NOS1: variants seen among roughly 807,000 people sequenced by gnomAD.
The protein encoded by NOS1 is NOS type I.
Under a neutral mutation model 164.5 loss-of-function variants are expected in NOS1, and 51 were observed. The ratio of observed to expected loss-of-function variants is 0.31; its 90% confidence interval spans 0.25 to 0.39. The LOEUF is 0.39. Ranked by LOEUF, NOS1 falls within the 10% of genes least tolerant of loss-of-function variation. The pLI, the probability that NOS1 is intolerant of heterozygous loss-of-function variation, is 1.00. For missense variants in NOS1, 1,362 were observed against 1,885.6 expected, an observed-to-expected ratio of 0.72 and a Z score of 5.14; for synonymous variants, 719 against 745.8, an observed-to-expected ratio of 0.96 and a Z score of 0.59.
rs150174078 is a variant in NOS1 at position 117,327,308 on chromosome 12, G to C, written c.725+3037C>G. 1.2e-3 allele frequency among the ~76,000 whole-genome samples: 185 copies of C among 152,332 alleles called. 2 individuals carry two copies. Among genetic ancestry groups the C allele is most frequent in the African/African-American group, 3.7e-3 (153 of 41,574 alleles). The stretch of plus-strand genomic sequence containing the variant: ...GGTAGAGGATTGGGAGGCAGAGGTG[G>C]TGCTTGGGGGCAGCCTTTCGGGAGG... On this transcript the variant is annotated intron_variant, in intron 2 of 28. Transcript: ENST00000317775.
rs1377908304 is a variant in NOS1, at chr12:117,210,741, T to G, written c.*4568A>C. The G allele has an allele frequency of 4.1e-6, 4 of 985,246 alleles. No individual in the cohort carries two copies. The highest frequency in any genetic ancestry group is 4.8e-6 in the Non-Finnish European group (4 of 829,946). The allele number at this position is 985,246 out of a possible 1,614,324, so 61.0% of individuals were successfully genotyped here. A position where few individuals can be genotyped will look rare whatever the true frequency, so the allele number is the denominator to read the frequency against. The stretch of plus-strand genomic sequence containing the variant: ...GAGCAGGCAGCTGCTGAAAGCGTGT[T>G]TGGTCAGAAGATTCTGTGTTCTTAG... On this transcript the variant is annotated 3_prime_UTR_variant, in exon 29 of 29. Transcript: ENST00000317775.
intron 5 of NOS1, 130 bp downstream of exon 5, chr12:117,287,944 G>T: frequency 1.1e-6 from 1 of 898,542 alleles, no homozygotes; most frequent in Non-Finnish European, 1.7e-6. Flanking sequence ...CCTATGGGTA[G>T]CCAGTCTTAA....
At chr12:117,296,664 A>G (rs1357205078) in intron 3 of NOS1, among the ~76,000 whole-genome samples, 5 of 151,446 alleles carry the variant, frequency 3.3e-5, no homozygotes, top group Non-Finnish European at 7.4e-5. Flanking sequence ...CTCTTTATAT[A>G]TACATCTATT....
chr12:117,355,826 C>A (rs1876828983), intron 1 of NOS1, among the ~76,000 whole-genome samples: 1 of 152,204 alleles, frequency 6.6e-6, no homozygotes, highest in African/African-American at 2.4e-5. Flanking sequence ...GCGGCACAAT[C>A]TCGGCTCACT....
Position 117,209,545 on chromosome 12 carries a change from G to A in NOS1, c.*5764C>T, listed in dbSNP as rs1392808163. On this transcript the variant is annotated 3_prime_UTR_variant, in exon 29 of 29. Transcript: ENST00000317775. ...CTGCCAGGGCCATCTCGTTAATAAC[G>A]GACTGTGTTTTGGGCCAGACGGGCA... 9.1e-6 allele frequency: 9 copies of A among 985,374 alleles called. No individual in the cohort carries two copies. The highest frequency in any genetic ancestry group is 6.1e-5 in the Admixed American group (1 of 16,264). The allele number at this position is 985,374 out of a possible 1,614,324, so 61.0% of individuals were successfully genotyped here.
At chr12:117,248,007 C>G (rs1421410362) in intron 17 of NOS1, among the ~76,000 whole-genome samples, 10 of 151,008 alleles carry the variant, frequency 6.6e-5, no homozygotes, top group African/African-American at 2.4e-4. Context: ...CTCTCTCTCT[C>G]CTCTCTCTCT....
Position 117,212,460 on chromosome 12 carries a change from G to C in NOS1, c.*2849C>G. The C allele has an allele frequency of 1.0e-6, 1 of 985,424 alleles. No individual in the cohort carries two copies. The highest frequency in any genetic ancestry group is 1.2e-6 in the Non-Finnish European group (1 of 829,970). 61.0% of individuals were successfully genotyped at this position (985,424 alleles called of 1,614,324 possible). A position where few individuals can be genotyped will look rare whatever the true frequency, so the allele number is the denominator to read the frequency against. ...CAAAAGAAGCCCTCTCTCCTCCCAA[G>C]GAGTTTAACATCATCTCTCTGCTCT... On this transcript the variant is annotated 3_prime_UTR_variant, in exon 29 of 29. Coordinates refer to ENST00000317775, the MANE Select transcript of NOS1 (RefSeq NM_000620.5).
Position 117,272,538 on chromosome 12 carries a change from C to G in NOS1, c.1686G>C (p.Leu562=). 6.2e-7 allele frequency: 1 copy of G among 1,614,154 alleles called. No individual in the cohort carries two copies. The highest frequency in any genetic ancestry group is 8.5e-7 in the Non-Finnish European group (1 of 1,180,016). ...CGGGGAGGCCGTACCACTTCAGCCC[C>G]AGGTCCTTGAACCACTCAAACCTGC... ...RHPKFEWFKD[L]GLKWYGLPAV... The change falls in exon 10 of 29, where the codon CTG becomes CTC. Residue 562 remains leucine (L), a synonymous_variant. Transcript: ENST00000317775. This position sits in a 1 kb window ranked among gnomAD's most constrained non-coding sequence, Gnocchi z 4.3.
intron 3 of NOS1, among the ~76,000 whole-genome samples, chr12:117,306,974 T>C (rs1224920649): frequency 6.6e-6 from 1 of 152,220 alleles, no homozygotes; most frequent in Non-Finnish European, 1.5e-5. Flanking sequence ...CAAACACTTA[T>C]CTGATCTTCA....
At chr12:117,288,326 A>G (rs1183901670) in intron 4 of NOS1, 107 bp from the exon 5 acceptor site, 8 of 1,053,212 alleles carry the variant, frequency 7.6e-6, no homozygotes, top group Non-Finnish European at 1.1e-5. Context: ...TCTGGCCCTT[A>G]ATTCCCAGAG....
At chr12:117,304,125 T>C (rs143425127) in intron 3 of NOS1, among the ~76,000 whole-genome samples, 2 of 151,696 alleles carry the variant, frequency 1.3e-5, no homozygotes, top group African/African-American at 2.4e-5. Context: ...TGAGCCGAGA[T>C]CAGGCCACTG....
At chr12:117,232,511 G>A (rs542229154) in intron 21 of NOS1, among the ~76,000 whole-genome samples, 12 of 152,238 alleles carry the variant, frequency 7.9e-5, no homozygotes, top group African/African-American at 2.9e-4. Context: ...GGATGTTAGT[G>A]TTGTCATTAT....
intron 1 of NOS1, among the ~76,000 whole-genome samples, chr12:117,346,851 A>G (rs890163098): frequency 3.3e-5 from 5 of 152,256 alleles, no homozygotes; most frequent in African/African-American, 1.2e-4. Flanking sequence ...TGCACAAAAA[A>G]TGCTTCAGAT....
chr12:117,299,060 C>T (rs552355635), intron 3 of NOS1, among the ~76,000 whole-genome samples: 5 of 152,358 alleles, frequency 3.3e-5, no homozygotes, highest in South Asian at 4.1e-4. Flanking sequence ...ATGGGCCAGA[C>T]GCCACACACT....
Position 117,220,083 on chromosome 12 carries a change from G to A in NOS1, c.4162C>T (p.Arg1388Trp), listed in dbSNP as rs1368941972. 3.1e-6 allele frequency: 5 copies of A among 1,607,790 alleles called. No individual in the cohort carries two copies. The highest frequency in any genetic ancestry group is 1.3e-5 in the African/African-American group (1 of 74,792). Reference sequence around the variant, plus strand: ...GTCAGCCTGTCACTCACCCTCATCCGGCTGATGAATACGCCGGCGTCCTCT... The same window carrying A: ...GTCAGCCTGTCACTCACCCTCATCCAGCTGATGAATACGCCGGCGTCCTCT... ...SAEDAGVFISRMRDDNRYHED... is the reference protein window; with the variant it reads ...SAEDAGVFISWMRDDNRYHED... Residue 1388 changes from arginine (R) to tryptophan (W), a missense_variant, in exon 27 of 29, where the codon CGG (arginine) becomes TGG (tryptophan). Physicochemically the swap from Arg to Trp is moderately radical, Grantham distance 101 (BLOSUM62 -3). This residue lies in a region of NOS1 where 737 missense variants were observed against 1,030.3 expected (regional missense o/e 0.72). Coordinates refer to ENST00000317775, the MANE Select transcript of NOS1 (RefSeq NM_000620.5).
chr12:117,361,184 C>A (rs1012765498), intron 1 of NOS1, among the ~76,000 whole-genome samples: 1 of 151,988 alleles, frequency 6.6e-6, no homozygotes, highest in South Asian at 2.1e-4. Context: ...CCCGCCCGCC[C>A]GCCTCGTACT....
At chr12:117,334,421 G>C (rs1875702281) in intron 1 of NOS1, among the ~76,000 whole-genome samples, 1 of 151,944 alleles carries the variant, frequency 6.6e-6, no homozygotes, top group Admixed American at 6.6e-5. Flanking sequence ...TTTTTAGACA[G>C]AGTCTCACTC....
Position 117,286,264 on chromosome 12 carries a change from A to C in NOS1, c.1130T>G (p.Phe377Cys). 6.2e-7 allele frequency: 1 copy of C among 1,614,140 alleles called. No individual in the cohort carries two copies. Among genetic ancestry groups the C allele is most frequent in the Non-Finnish European group, 8.5e-7 (1 of 1,180,026 alleles). ...CCTTTCCATGTGGGCTTTGGAGCCA[A>C]ATCTGAGTGAAGAGGAAGGGACATG... is the stretch of plus-strand genomic sequence containing the variant. ...IDQYYSSIKR[F>C]GSKAHMERLE... The change falls in exon 6 of 29, where the codon TTT (phenylalanine) becomes TGT (cysteine). Residue 377 changes from phenylalanine (F) to cysteine (C), a missense_variant and splice_region_variant. Physicochemically the swap from Phe to Cys is radical, Grantham distance 205. This residue lies in a region of NOS1 where 129 missense variants were observed against 186.0 expected (regional missense o/e 0.69). Transcript: ENST00000317775.
chr12:117,208,347 C>A lies in NOS1; in HGVS notation c.*6962G>T, dbSNP rs1314865928. The A allele has an allele frequency of 1.6e-6, 2 of 1,285,652 alleles. No homozygotes were observed. The highest frequency in any genetic ancestry group is 2.0e-6 in the Non-Finnish European group (2 of 988,284). 79.6% of individuals were successfully genotyped at this position (1,285,652 alleles called of 1,614,324 possible). A position where few individuals can be genotyped will look rare whatever the true frequency, so the allele number is the denominator to read the frequency against. On this transcript the variant is annotated 3_prime_UTR_variant, in exon 29 of 29. Coordinates refer to ENST00000317775, the MANE Select transcript of NOS1 (RefSeq NM_000620.5). Reference sequence around the variant, plus strand: ...AGGGACACTTGGCAGAGATTAGCAGCATTGAGAGCTCAGAGGTAGGGGGGA... The same window carrying A: ...AGGGACACTTGGCAGAGATTAGCAGAATTGAGAGCTCAGAGGTAGGGGGGA...
Sources: allele counts gnomAD v4.1 joint callset (sites outside exome capture counted in the v4.1 genomes callset), GRCh38; gene constraint gnomAD v4.1.1; regional missense constraint gnomAD v4.1.1; non-coding constraint Gnocchi (gnomAD v3.1); transcripts MANE v1.5; gene names NCBI Gene and HGNC (gene_info 2026-07-23, HGNC 2026-07-21).